ODAD4: variants seen among roughly 807,000 people sequenced by gnomAD.
ODAD4 encodes outer dynein arm-docking complex subunit 4.
In ODAD4, 49 loss-of-function variants were observed where a neutral mutation model predicts 51.8. The observed-to-expected ratio is 0.95, with a 90% CI of 0.75 to 1.20. ODAD4 has a LOEUF of 1.20. ODAD4 is among the 50% of genes most tolerant of loss of function. ODAD4 has a pLI of 0.00. For synonymous variants in ODAD4, 235 were observed against 221.3 expected, an observed-to-expected ratio of 1.06 and a Z score of -0.55; for missense variants, 590 against 586.5, an observed-to-expected ratio of 1.01 and a Z score of -0.06.
At chr17:41,931,982 ATGG>A (rs1555636969) in intron 1 of ODAD4, among the ~76,000 whole-genome samples, 3 of 150,610 alleles carry the variant, frequency 2.0e-5, no homozygotes, top group Admixed American at 6.6e-5. Flanking sequence ...CTGGAGTGCA[ATGG>A]TGCGATCTTG....
At chr17:41,942,402 C>T (rs566531349) in intron 7 of ODAD4, among the ~76,000 whole-genome samples, 1 of 152,332 alleles carries the variant, frequency 6.6e-6, no homozygotes, top group East Asian at 1.9e-4. Context: ...ATTTATTTCT[C>T]TGAATAATCT....
At chr17:41,959,953 G>A (rs1011716698) in intron 10 of ODAD4, among the ~76,000 whole-genome samples, 4 of 152,130 alleles carry the variant, frequency 2.6e-5, no homozygotes, top group Admixed American at 6.5e-5. Flanking sequence ...GCATGTTGTC[G>A]TCCTCGTCAT....
chr17:41,963,616 G>A (rs1484422429), intron 11 of ODAD4, among the ~76,000 whole-genome samples: 1 of 151,882 alleles, frequency 6.6e-6, no homozygotes, highest in African/African-American at 2.4e-5. Context: ...CTTGCAGTGT[G>A]ACCATTGTGT....
chr17:41,944,714 C>T (rs1049680288), intron 7 of ODAD4, among the ~76,000 whole-genome samples: 1 of 151,706 alleles, frequency 6.6e-6, no homozygotes, highest in Non-Finnish European at 1.5e-5. Context: ...TGCTTGAACC[C>T]GGCAGGTAGA....
chr17:41,950,063 G>A (rs977635428), intron 9 of ODAD4, among the ~76,000 whole-genome samples: 4 of 150,910 alleles, frequency 2.7e-5, no homozygotes, highest in African/African-American at 9.8e-5. Flanking sequence ...TTGGCCTCCC[G>A]GGTTCAAGCG....
chr17:41,961,897 T>C (rs2050810377), intron 11 of ODAD4, among the ~76,000 whole-genome samples: 1 of 152,082 alleles, frequency 6.6e-6, no homozygotes, highest in African/African-American at 2.4e-5. Flanking sequence ...TGAGGGTGCA[T>C]GCAACGGGGC....
rs72820837 is a variant in ODAD4, at chr17:41,961,024, G to T, written c.1444-358G>T. Among the ~76,000 whole-genome samples, 417 of 152,302 alleles carry T rather than the reference G, an allele frequency of 2.7e-3. 1 individual carries two copies. Among genetic ancestry groups the T allele is most frequent in the Non-Finnish European group, 5.0e-3 (342 of 68,030 alleles). On this transcript the variant is annotated intron_variant, in intron 10 of 11. Coordinates refer to ENST00000377540, the MANE Select transcript of ODAD4 (RefSeq NM_031421.5). ...TTCTGGGTCTTTTCAGTGCTGCCTT[G>T]CTGAGTGCTTGCAGGTTTGGATTGT...
rs2144491079 is a variant in ODAD4 at position 41,935,592 on chromosome 17, A to G, written c.247-7A>G. 3 of 1,609,826 alleles carry G rather than the reference A, an allele frequency of 1.9e-6. No individual in the cohort carries two copies. The highest frequency in any genetic ancestry group is 2.5e-6 in the Non-Finnish European group (3 of 1,177,816). On this transcript the variant is annotated splice_polypyrimidine_tract_variant and splice_region_variant and intron_variant, in intron 2 of 11. Transcript: ENST00000377540. Reference sequence around the variant, plus strand: ...GTTCACATTGATTTGATTTCCTCCCATTCCAGGGGATTTTGCAAAAGGCTG... The same window carrying G: ...GTTCACATTGATTTGATTTCCTCCCGTTCCAGGGGATTTTGCAAAAGGCTG...
At chr17:41,934,237 C>T (rs2050393278) in intron 1 of ODAD4, among the ~76,000 whole-genome samples, 1 of 151,816 alleles carries the variant, frequency 6.6e-6, no homozygotes, top group Non-Finnish European at 1.5e-5. Context: ...AAATGGGTTT[C>T]ACCACGTTGG....
At position 41,941,061 on chromosome 17, in the gene ODAD4, C is replaced by T. The variant is rs568657648; in HGVS notation, c.1058+1889C>T. On this transcript the variant is annotated intron_variant, in intron 7 of 11. Transcript: ENST00000377540. ...CGCTCAAGTTGGTCTGGATGACAGGCGTGAGCCACTGCGCTTGGCCCCCTC... is the reference window on the plus strand; with the variant it reads ...CGCTCAAGTTGGTCTGGATGACAGGTGTGAGCCACTGCGCTTGGCCCCCTC... Among the ~76,000 whole-genome samples the T allele has an allele frequency of 5.9e-5, 9 of 152,296 alleles. No individual in the cohort carries two copies. The East Asian group carries it at 1.4e-3, about 23-fold the overall frequency.
intron 2 of ODAD4, 112 bp downstream of exon 2, chr17:41,935,460 T>G: frequency 6.6e-7 from 1 of 1,517,064 alleles, no homozygotes; most frequent in Non-Finnish European, 8.9e-7. Flanking sequence ...GATGCCATTT[T>G]CTCTTCCTAG....
At position 41,965,949 on chromosome 17, in the gene ODAD4, G is replaced by C. The variant is rs1158884471; in HGVS notation, c.*466G>C. On this transcript the variant is annotated 3_prime_UTR_variant, in exon 12 of 12. Coordinates refer to ENST00000377540, the MANE Select transcript of ODAD4 (RefSeq NM_031421.5). ...AGAATGCCGCAAGCCAGAACCAAGCGAATGCTGGGAGTGAGGCCAAAGATA... is the reference window on the plus strand; with the variant it reads ...AGAATGCCGCAAGCCAGAACCAAGCCAATGCTGGGAGTGAGGCCAAAGATA... 6.6e-6 allele frequency among the ~76,000 whole-genome samples: 1 copy of C among 152,076 alleles called. No homozygotes were observed. The highest frequency in any genetic ancestry group is 1.5e-5 in the Non-Finnish European group (1 of 68,022).
At position 41,938,918 on chromosome 17, in the gene ODAD4, T is replaced by G. The variant is rs782073222; in HGVS notation, c.851-47T>G. 10 of 1,592,696 alleles carry G rather than the reference T, an allele frequency of 6.3e-6. No individual in the cohort carries two copies. In the South Asian group the frequency reaches 1.1e-4, roughly 18 times the overall value. On this transcript the variant is annotated intron_variant, in intron 6 of 11. Transcript: ENST00000377540. ...CAGGAAGAGGAGTTACCCTGTCAGC[T>G]AAGAGGAGGCTGCCCTGGCCTCCAC... is the stretch of plus-strand genomic sequence containing the variant.
intron 7 of ODAD4, among the ~76,000 whole-genome samples, chr17:41,939,554 G>T (rs577518178): frequency 6.6e-6 from 1 of 152,180 alleles, no homozygotes; most frequent in Non-Finnish European, 1.5e-5. Flanking sequence ...AGCAAAAAGG[G>T]ACATAGCTAA....
chr17:41,934,979 C>T (rs971455523), intron 1 of ODAD4, among the ~76,000 whole-genome samples: 2 of 152,154 alleles, frequency 1.3e-5, no homozygotes, highest in East Asian at 3.8e-4. Context: ...ATGATTTGAC[C>T]TTGTTCAAGG....
chr17:41,964,201 C>G (rs1214751304), intron 11 of ODAD4, among the ~76,000 whole-genome samples: 1 of 152,096 alleles, frequency 6.6e-6, no homozygotes, highest in East Asian at 1.9e-4. Flanking sequence ...GCTGGGATTA[C>G]AGGCGCCTGC....
At chr17:41,946,530 G>T (rs1555639593) in intron 8 of ODAD4, among the ~76,000 whole-genome samples, 1 of 152,096 alleles carries the variant, frequency 6.6e-6, no homozygotes, top group African/African-American at 2.4e-5. Flanking sequence ...TCACCATATT[G>T]GTCAGGCTGG....
At chr17:41,932,605 C>T (rs925185952) in intron 1 of ODAD4, among the ~76,000 whole-genome samples, 9 of 150,950 alleles carry the variant, frequency 6.0e-5, no homozygotes, top group Non-Finnish European at 1.2e-4. Context: ...AATGTGGTGG[C>T]ACAATCACAG....
intron 3 of ODAD4, 101 bp downstream of exon 3, chr17:41,935,850 C>A: frequency 7.2e-7 from 1 of 1,396,932 alleles, no homozygotes; most frequent in Non-Finnish European, 9.8e-7. Flanking sequence ...CACCACCAGG[C>A]CCGCAGGGAG....
Sources: gnomAD v4.1 joint callset for allele counts (sites outside exome capture counted in the v4.1 genomes callset) on GRCh38, gnomAD v4.1.1 for gene constraint, MANE v1.5 for transcripts, NCBI Gene and HGNC (gene_info 2026-07-23, HGNC 2026-07-21) for gene names.